Variants in CHD2 observed in about 807,000 individuals in gnomAD.
CHD2 encodes chromodomain helicase DNA binding protein 2.
A neutral mutation model predicts 243.9 loss-of-function variants in CHD2; 28 were observed. The observed-to-expected ratio is 0.11, with a 90% CI of 0.09 to 0.16. The LOEUF is 0.16. Ranked by LOEUF, CHD2 falls within the 10% of genes least tolerant of loss-of-function variation. The pLI, the probability that CHD2 is intolerant of heterozygous loss-of-function variation, is 1.00. For synonymous variants in CHD2, 775 were observed against 779.0 expected (o/e 0.99, Z 0.09); for missense variants, 1,386 against 2,209.8 (o/e 0.63, Z 7.47).
chr15:92,980,693 T>C, intron 22 of CHD2, 122 bp from the exon 23 acceptor site: 1 of 667,192 alleles, frequency 1.5e-6, no homozygotes, highest in Non-Finnish European at 2.6e-6. Context: ...AAATCATTTT[T>C]CTTGAGGCAG....
At chr15:92,951,506 C>T (rs998563651) in intron 13 of CHD2, among the ~76,000 whole-genome samples, 1 of 152,124 alleles carries the variant, frequency 6.6e-6, no homozygotes, top group Non-Finnish European at 1.5e-5. Context: ...GAATAAAAAT[C>T]AGTTGAAAAG....
intron 36 of CHD2, among the ~76,000 whole-genome samples, chr15:93,012,651 G>A (rs1485178928): frequency 1.3e-5 from 2 of 152,084 alleles, no homozygotes; most frequent in African/African-American, 4.8e-5. Context: ...TGTTTACCCT[G>A]TGTTTTTAGG....
At chr15:92,924,756 A>G (rs898643859) in intron 3 of CHD2, among the ~76,000 whole-genome samples, 11 of 152,152 alleles carry the variant, frequency 7.2e-5, no homozygotes, top group Non-Finnish European at 1.5e-4. Context: ...GAACCATCCA[A>G]TTATAGGGAG....
At chr15:93,008,164 C>T (rs148007128) in intron 34 of CHD2, among the ~76,000 whole-genome samples, 13 of 152,310 alleles carry the variant, frequency 8.5e-5, no homozygotes, top group South Asian at 8.3e-4. Context: ...CTCTCCAGAG[C>T]GTGAAGGCCT....
intron 28 of CHD2, among the ~76,000 whole-genome samples, chr15:92,996,603 A>T (rs1031180109): frequency 6.6e-6 from 1 of 152,184 alleles, no homozygotes; most frequent in African/African-American, 2.4e-5. Context: ...GACCTTCGCT[A>T]GTGGGATGGG....
At chr15:93,010,683 C>T (rs553569560) in intron 35 of CHD2, among the ~76,000 whole-genome samples, 6 of 152,256 alleles carry the variant, frequency 3.9e-5, no homozygotes, top group South Asian at 2.1e-4. Context: ...CTTGACCTCC[C>T]GAAATGCTGG....
intron 4 of CHD2, among the ~76,000 whole-genome samples, chr15:92,927,903 C>T (rs988514546): frequency 6.6e-6 from 1 of 152,082 alleles, no homozygotes; most frequent in African/African-American, 2.4e-5. Flanking sequence ...GTATTCTATA[C>T]CAGGCTTGGT....
chr15:93,024,572 C>T lies in CHD2; in HGVS notation c.5354C>T (p.Ser1785Leu), dbSNP rs1265214152. 3.7e-6 allele frequency: 6 copies of T among 1,614,238 alleles called. No individual in the cohort carries two copies. Among genetic ancestry groups the T allele is most frequent in the Non-Finnish European group, 4.2e-6 (5 of 1,180,046 alleles). ...CTACCCCCATTGCACCCTGCAGTCT[C>T]AGATCCTCGCTCACCCCCTTCTCAG... ...QPLPPLHPAV[S>L]DPRSPPSQKS... The change falls in exon 39 of 39, where the codon TCA (serine) becomes TTA (leucine). Residue 1785 changes from serine (S) to leucine (L), a missense_variant. By Grantham distance (145) the Ser-to-Leu change is moderately radical. Around this residue, in one of 19 missense-constraint regions of CHD2, gnomAD observed 347 missense variants for 341.6 expected, o/e 1.02. Transcript: ENST00000394196.
At chr15:92,918,979 C>T (rs770879481) in intron 2 of CHD2, among the ~76,000 whole-genome samples, 1 of 151,678 alleles carries the variant, frequency 6.6e-6, no homozygotes, top group Non-Finnish European at 1.5e-5. Context: ...CTGCCTCAGC[C>T]TCCAAAGTAG....
intron 27 of CHD2, among the ~76,000 whole-genome samples, chr15:92,992,544 A>G (rs942725038): frequency 3.9e-5 from 6 of 152,178 alleles, no homozygotes; most frequent in Admixed American, 2.0e-4. Context: ...GTGTTCAGGC[A>G]CTTCACCTGC....
chr15:92,902,810 C>G (rs555778053), intron 2 of CHD2: 1 of 152,184 alleles, frequency 6.6e-6, no homozygotes, highest in Non-Finnish European at 1.5e-5. Context: ...TTGAGTGTAT[C>G]ATTTGCATAG....
At chr15:92,994,923 G>C (rs960512829) in intron 28 of CHD2, among the ~76,000 whole-genome samples, 3 of 152,098 alleles carry the variant, frequency 2.0e-5, no homozygotes, top group Non-Finnish European at 2.9e-5. Flanking sequence ...CTGGTATTCA[G>C]CATATTCTGA....
intron 19 of CHD2, among the ~76,000 whole-genome samples, chr15:92,973,771 G>T (rs1005304681): frequency 6.6e-6 from 1 of 152,184 alleles, no homozygotes; most frequent in African/African-American, 2.4e-5. Flanking sequence ...TCTCTCTAGG[G>T]AATAGATAAG....
intron 5 of CHD2, among the ~76,000 whole-genome samples, chr15:92,931,247 A>T (rs999220624): frequency 6.6e-6 from 1 of 152,182 alleles, no homozygotes; most frequent in South Asian, 2.1e-4. Context: ...TTAAAAAGGG[A>T]CCATTTTGTA....
intron 16 of CHD2, among the ~76,000 whole-genome samples, chr15:92,965,925 T>G (rs989032500): frequency 6.6e-6 from 1 of 152,198 alleles, no homozygotes; most frequent in Admixed American, 6.5e-5. Context: ...TTATTGAAAT[T>G]GTCTCTCAGG....
At chr15:93,006,736 A>G (rs59253118) in intron 34 of CHD2, among the ~76,000 whole-genome samples, 67,235 of 151,962 alleles carry the variant, frequency 0.44, 15,660 homozygotes, top group East Asian at 0.84. Flanking sequence ...GTCCATAACC[A>G]TTGTCCTACG....
At chr15:93,011,290 G>A (rs2054391244) in intron 35 of CHD2, among the ~76,000 whole-genome samples, 1 of 152,172 alleles carries the variant, frequency 6.6e-6, no homozygotes, top group South Asian at 2.1e-4. Flanking sequence ...CAGATAGAGT[G>A]GAAGTGTTGA....
Position 92,972,340 on chromosome 15 carries a change from G to T in CHD2, c.2428G>T (p.Val810Leu), listed in dbSNP as rs2053851635. The part of the protein sequence containing the change: ...LTRLRERGNR[V>L]LIFSQMVRML... ...AAGACTTCGAGAAAGGGGGAATCGA[G>T]TGCTTATCTTCTCTCAGATGGTGAG... The change falls in exon 19 of 39, where the codon GTG becomes TTG. Residue 810 changes from valine (V) to leucine (L), a missense_variant. Val to Leu is a conservative substitution (Grantham distance 32, BLOSUM62 1). This residue lies in a region of CHD2 where 118 missense variants were observed against 266.3 expected (regional missense o/e 0.44). Coordinates refer to ENST00000394196, the MANE Select transcript of CHD2 (RefSeq NM_001271.4). 2.5e-6 allele frequency: 4 copies of T among 1,612,914 alleles called. No homozygotes were observed. Among genetic ancestry groups the T allele is most frequent in the Non-Finnish European group, 3.4e-6 (4 of 1,179,406 alleles).
rs2054213967 is a variant in CHD2, at chr15:92,998,694, G to A, written c.4008+73G>A. The A allele has an allele frequency of 1.3e-6, 2 of 1,560,834 alleles. No homozygotes were observed. Among genetic ancestry groups the A allele is most frequent in the Middle Eastern group, 2.4e-4 (1 of 4,220 alleles). ...CCCTGCAGAATTAGGTAGGAAGAGA[G>A]AGGCCCTCTCTGAGCACTGCACAGA... On this transcript the variant is annotated intron_variant, in intron 31 of 38. Transcript: ENST00000394196. The surrounding 1 kb of genome is among the most constrained non-coding windows in gnomAD (Gnocchi z 5.1).
Sources: allele counts gnomAD v4.1 joint callset (sites outside exome capture counted in the v4.1 genomes callset), GRCh38; gene constraint gnomAD v4.1.1; regional missense constraint gnomAD v4.1.1; non-coding constraint Gnocchi (gnomAD v3.1); transcripts MANE v1.5; gene names NCBI Gene and HGNC (gene_info 2026-07-23, HGNC 2026-07-21).